PHACTR2: variants seen among roughly 807,000 people sequenced by gnomAD.
PHACTR2 encodes the protein chromosome 6 open reading frame 56.
In PHACTR2, 30 loss-of-function variants were observed where a neutral mutation model predicts 76.0. That is an observed-to-expected ratio of 0.39 (90% CI 0.30 to 0.54). The LOEUF is 0.54. Ranked by LOEUF, PHACTR2 falls within the 20% of genes least tolerant of loss-of-function variation. The probability of loss-of-function intolerance (pLI) is 0.61; values close to 1 mark genes in which losing one functional copy is unlikely to be tolerated. For missense variants in PHACTR2, 696 were observed against 781.1 expected, an observed-to-expected ratio of 0.89 and a Z score of 1.30; for synonymous variants, 292 against 292.5, an observed-to-expected ratio of 1.00 and a Z score of 0.02.
rs1396126239 is a variant in PHACTR2, at chr6:143,784,910, T to C, written c.1707+1630T>C. 6.6e-6 allele frequency among the ~76,000 whole-genome samples: 1 copy of C among 152,120 alleles called. No individual in the cohort carries two copies. The highest frequency in any genetic ancestry group is 1.5e-5 in the Non-Finnish European group (1 of 68,014). On this transcript the variant is annotated intron_variant, in intron 10 of 12. Coordinates refer to ENST00000440869, the MANE Select transcript of PHACTR2 (RefSeq NM_001100164.2). This position sits in a 1 kb window ranked among gnomAD's most constrained non-coding sequence, Gnocchi z 4.5. Reference sequence around the variant, plus strand: ...CGAGCCCCATGATTCAATTACCTCTTCCTGGGTCCCTCCCACAACACATGG... The same window carrying C: ...CGAGCCCCATGATTCAATTACCTCTCCCTGGGTCCCTCCCACAACACATGG...
At chr6:143,762,648 T>A (rs888366310) in intron 5 of PHACTR2, among the ~76,000 whole-genome samples, 3 of 152,244 alleles carry the variant, frequency 2.0e-5, no homozygotes, top group African/African-American at 7.2e-5. Context: ...TAGAAAAGTT[T>A]GTTCAAATGC....
At chr6:143,622,050 G>A (rs1194695715) in intron 1 of PHACTR2, among the ~76,000 whole-genome samples, 4 of 152,192 alleles carry the variant, frequency 2.6e-5, no homozygotes, top group African/African-American at 9.7e-5. Context: ...ACCCCACTGA[G>A]GCCTTGGGCA....
At position 143,611,832 on chromosome 6, in the gene PHACTR2, T is replaced by G. The variant is rs1338017658; in HGVS notation, c.13+3510T>G. 6.6e-6 allele frequency among the ~76,000 whole-genome samples: 1 copy of G among 151,944 alleles called. No individual in the cohort carries two copies. The highest frequency in any genetic ancestry group is 1.5e-5 in the Non-Finnish European group (1 of 67,978). ...CTGTCTCAGAAGTAGAACTGGAAAT[T>G]TATGTGGGTGGTGCAATGGGCATGG... On this transcript the variant is annotated intron_variant, in intron 1 of 11. Coordinates refer to the PHACTR2 transcript ENST00000305766. The surrounding 1 kb of genome is among the most constrained non-coding windows in gnomAD (Gnocchi z 4.4).
chr6:143,622,086 G>A (rs1776164005), intron 1 of PHACTR2, among the ~76,000 whole-genome samples: 1 of 152,188 alleles, frequency 6.6e-6, no homozygotes, highest in Non-Finnish European at 1.5e-5. Flanking sequence ...GTGTGGGCTG[G>A]AGTTTGTGAA....
chr6:143,657,953 A>AG (rs1028397189), intron 1 of PHACTR2, among the ~76,000 whole-genome samples: 20 of 152,132 alleles, frequency 1.3e-4, no homozygotes, highest in African/African-American at 3.4e-4. Context: ...TTTATTTCTG[A>AG]GGGGGGGTCC....
At chr6:143,579,219 T>C (rs970327549) in intron 1 of PHACTR2, among the ~76,000 whole-genome samples, 2 of 152,218 alleles carry the variant, frequency 1.3e-5, no homozygotes. Context: ...ACTTATTTTT[T>C]TCTTATTGTA....
In PHACTR2 at chr6:143,700,867, AG is replaced by A. The variant is rs1412687676; in HGVS notation, c.47-11147del. On this transcript the variant is annotated intron_variant, in intron 1 of 12. Coordinates refer to ENST00000440869, the MANE Select transcript of PHACTR2 (RefSeq NM_001100164.2). The surrounding 1 kb of genome is among the most constrained non-coding windows in gnomAD (Gnocchi z 4.1). ...GACTAACATCTACGGGGAACAAGATAGGTTGTTGGTTGATTCCTGTCACGTT... is the reference window on the plus strand; with the variant it reads ...GACTAACATCTACGGGGAACAAGATAGTTGTTGGTTGATTCCTGTCACGTT... Among the ~76,000 whole-genome samples, 2 of 152,208 alleles carry A rather than the reference AG, an allele frequency of 1.3e-5. No homozygotes were observed. The highest frequency in any genetic ancestry group is 3.9e-4 in the East Asian group (2 of 5,192).
chr6:143,666,483 C>T (rs1330780524), intron 1 of PHACTR2, among the ~76,000 whole-genome samples: 3 of 152,240 alleles, frequency 2.0e-5, no homozygotes, highest in East Asian at 3.8e-4. Flanking sequence ...AACTAATTTA[C>T]ATGCCCAACA....
chr6:143,666,398 TGG>T lies in PHACTR2; in HGVS notation c.14-45616_14-45615del, dbSNP rs144291283. ...AATCCTTTGGGTATATATCCAGTAA[TGG>T]GATTGCTGGGTCAGTTGGTATTTCT... On this transcript the variant is annotated intron_variant, in intron 1 of 11. Transcript: ENST00000305766. Among the ~76,000 whole-genome samples the T allele has an allele frequency of 1.7e-3, 252 of 152,330 alleles. 6 individuals are homozygous for T. The East Asian group carries it at 0.044, about 27-fold the overall frequency.
intron 1 of PHACTR2, among the ~76,000 whole-genome samples, chr6:143,559,685 CTTTTCTTTTTTTTTTTTTTTTTTTTT>C (rs1189652269): frequency 2.6e-5 from 1 of 38,106 alleles, no homozygotes; most frequent in Non-Finnish European, 4.6e-5. Context: ...AGTGATTTTT[CTTTTCTTTTTTTTTTTTTTTTTTTTT>C]TTTTTTTTTT....
chr6:143,682,776 G>GT (rs1361703657), intron 1 of PHACTR2, among the ~76,000 whole-genome samples: 4 of 130,046 alleles, frequency 3.1e-5, no homozygotes, highest in Middle Eastern at 4.1e-3. Flanking sequence ...TTGTTTTTTT[G>GT]TTTTTTGTTT....
Position 143,811,999 on chromosome 6 carries a change from G to T in PHACTR2, c.1922+4866G>T, listed in dbSNP as rs1019540600. On this transcript the variant is annotated intron_variant, in intron 12 of 12. Transcript: ENST00000440869. This position sits in a 1 kb window ranked among gnomAD's most constrained non-coding sequence, Gnocchi z 4.1. Reference sequence around the variant, plus strand: ...CAGCAGCTCTCCTTTCCTCTTATTAGCATGAGACATTGTCTCCTTATACCA... The same window carrying T: ...CAGCAGCTCTCCTTTCCTCTTATTATCATGAGACATTGTCTCCTTATACCA... Among the ~76,000 whole-genome samples, 1 of 152,060 alleles carries T rather than the reference G, an allele frequency of 6.6e-6. No homozygotes were observed. The highest frequency in any genetic ancestry group is 1.5e-5 in the Non-Finnish European group (1 of 68,020).
chr6:143,564,185 GTGTGTGTGTGCA>G (rs1466798933), intron 1 of PHACTR2, among the ~76,000 whole-genome samples: 4 of 57,398 alleles, frequency 7.0e-5, no homozygotes, highest in East Asian at 4.0e-4. Flanking sequence ...GTGTGTGTAT[GTGTGTGTGTGCA>G]TATATATATA....
At position 143,784,926 on chromosome 6, in the gene PHACTR2, C is replaced by T. The variant is rs932335592; in HGVS notation, c.1707+1646C>T. ...ATTACCTCTTCCTGGGTCCCTCCCA[C>T]AACACATGGGAATTCTGGGAGATAC... is the stretch of plus-strand genomic sequence containing the variant. On this transcript the variant is annotated intron_variant, in intron 10 of 12. Transcript: ENST00000440869. This position sits in a 1 kb window ranked among gnomAD's most constrained non-coding sequence, Gnocchi z 4.5. Among the ~76,000 whole-genome samples the T allele has an allele frequency of 6.6e-6, 1 of 152,168 alleles. No homozygotes were observed. The highest frequency in any genetic ancestry group is 1.5e-5 in the Non-Finnish European group (1 of 68,032).
In PHACTR2 at chr6:143,710,815, G is replaced by C. The variant is rs1778157781; in HGVS notation, c.47-1201G>C. On this transcript the variant is annotated intron_variant, in intron 1 of 12. Coordinates refer to ENST00000440869, the MANE Select transcript of PHACTR2 (RefSeq NM_001100164.2). This position sits in a 1 kb window ranked among gnomAD's most constrained non-coding sequence, Gnocchi z 4.9. The stretch of plus-strand genomic sequence containing the variant: ...TATTAAGAAAGTTGTTAAAAATACA[G>C]AGAAGATAAAAGAATTGGTATCACG... 6.6e-6 allele frequency among the ~76,000 whole-genome samples: 1 copy of C among 152,174 alleles called. No homozygotes were observed. The highest frequency in any genetic ancestry group is 2.1e-4 in the South Asian group (1 of 4,832).
intron 1 of PHACTR2, among the ~76,000 whole-genome samples, chr6:143,634,612 G>C (rs34196129): frequency 0.2 from 30,432 of 152,094 alleles, 3,107 homozygotes; most frequent in South Asian, 0.29. Context: ...CCAGTTAGAT[G>C]ATTTATCTCT....
chr6:143,677,576 A>T (rs111459147), upstream of PHACTR2, among the ~76,000 whole-genome samples: 271 of 152,356 alleles, frequency 1.8e-3, 1 homozygote, highest in Non-Finnish European at 3.1e-3. Flanking sequence ...ATTTGTTAAA[A>T]GGAAGATAAT....
rs1343784999 is a variant in PHACTR2 at position 143,830,983 on chromosome 6, G to C, written c.*7294G>C. ...CTTTGTATGTAAGGTCTTGAGACAT[G>C]TAAGGCCTGGTACTTTTTATTTAAA... On this transcript the variant is annotated 3_prime_UTR_variant, in exon 13 of 13. Coordinates refer to ENST00000440869, the MANE Select transcript of PHACTR2 (RefSeq NM_001100164.2). The C allele has an allele frequency of 6.6e-6, 1 of 152,192 alleles. No homozygotes were observed. The highest frequency in any genetic ancestry group is 6.5e-5 in the Admixed American group (1 of 15,280). 9.4% of individuals were successfully genotyped at this position (152,192 alleles called of 1,614,324 possible).
Position 143,678,623 on chromosome 6 carries a change from C to G in PHACTR2, c.46+414C>G, listed in dbSNP as rs1777311427. Among the ~76,000 whole-genome samples, 1 of 152,202 alleles carries G rather than the reference C, an allele frequency of 6.6e-6. No individual in the cohort carries two copies. The highest frequency in any genetic ancestry group is 6.5e-5 in the Admixed American group (1 of 15,286). ...TAGGACTGAATGCTTTCAAGCTTGTCAACTGATTTATGGTTTGTTATTCGG... is the reference window on the plus strand; with the variant it reads ...TAGGACTGAATGCTTTCAAGCTTGTGAACTGATTTATGGTTTGTTATTCGG... On this transcript the variant is annotated intron_variant, in intron 1 of 12. Transcript: ENST00000440869. The surrounding 1 kb of genome is among the most constrained non-coding windows in gnomAD (Gnocchi z 6.2).
Sources: gnomAD v4.1 joint callset for allele counts (sites outside exome capture counted in the v4.1 genomes callset) on GRCh38, gnomAD v4.1.1 for gene constraint, Gnocchi (gnomAD v3.1) non-coding constraint, MANE v1.5 for transcripts, NCBI Gene and HGNC (gene_info 2026-07-23, HGNC 2026-07-21) for gene names.